THSD4: variants seen among roughly 807,000 people sequenced by gnomAD.
THSD4 encodes the protein thrombospondin type 1 domain containing 4, also known as thrombospondin type-1 domain-containing protein 4.
A neutral mutation model predicts 119.0 loss-of-function variants in THSD4; 69 were observed. The ratio of observed to expected loss-of-function variants is 0.58; its 90% CI spans 0.48 to 0.71. The LOEUF is 0.71. THSD4 is among the 30% of genes least tolerant of loss of function. The probability of loss-of-function intolerance (pLI) is 0.00; values close to 1 mark genes in which losing one functional copy is unlikely to be tolerated. For synonymous variants in THSD4, 524 were observed against 540.4 expected (o/e 0.97, Z 0.42); for missense variants, 1,393 against 1,391.1 (o/e 1.00, Z -0.02).
At position 71,115,847 on chromosome 15, in the gene THSD4, CTGCGCCGCT is replaced by C. The variant is rs1372414629; in HGVS notation, c.-80+150_-80+158del. 114 of 151,840 alleles carry C rather than the reference CTGCGCCGCT, an allele frequency of 7.5e-4. 1 individual carries two copies. The highest frequency in any genetic ancestry group is 2.7e-3 in the African/African-American group (111 of 41,504). The allele number at this position is 151,840 out of a possible 1,614,324, so 9.4% of individuals were successfully genotyped here. The stretch of plus-strand genomic sequence containing the variant: ...GTGGGTGTGTCCGGGGCGCCGCGGG[CTGCGCCGCT>C]CCGGGCTCGGGGAGCCAGCGCGCGC... On this transcript the variant is annotated intron_variant, in intron 1 of 17. Coordinates refer to ENST00000261862, the MANE Select transcript of THSD4 (RefSeq NM_024817.3). The surrounding 1 kb of genome is among the most constrained non-coding windows in gnomAD (Gnocchi z 4.4).
chr15:71,265,814 C>A (rs536989154), intron 6 of THSD4, among the ~76,000 whole-genome samples: 1 of 152,230 alleles, frequency 6.6e-6, no homozygotes, highest in East Asian at 1.9e-4. Flanking sequence ...AGTTAGTTTT[C>A]CCCTCACAAT....
chr15:71,604,607 G>A (rs2050073360), intron 7 of THSD4, among the ~76,000 whole-genome samples: 1 of 152,150 alleles, frequency 6.6e-6, no homozygotes, highest in African/African-American at 2.4e-5. Context: ...ACAAGTACCT[G>A]GTGAAATGTG....
intron 7 of THSD4, among the ~76,000 whole-genome samples, chr15:71,488,170 T>C (rs2047852334): frequency 6.6e-6 from 1 of 152,186 alleles, no homozygotes; most frequent in African/African-American, 2.4e-5. Flanking sequence ...GAAGGGAACA[T>C]TCTAATATAT....
chr15:71,723,248 G>C (rs1183692666), intron 8 of THSD4, among the ~76,000 whole-genome samples: 2 of 152,108 alleles, frequency 1.3e-5, no homozygotes, highest in Admixed American at 6.6e-5. Context: ...CAATATGGCT[G>C]AGTCTGTTTA....
chr15:71,767,288 A>G (rs2053731071), intron 16 of THSD4: 1 of 152,236 alleles, frequency 6.6e-6, no homozygotes, highest in African/African-American at 2.4e-5. Context: ...TAAAAAAGCA[A>G]TCCCCCAGAA....
chr15:71,350,715 G>A (rs1009866476), intron 6 of THSD4, among the ~76,000 whole-genome samples: 9 of 152,152 alleles, frequency 5.9e-5, no homozygotes, highest in Non-Finnish European at 1.3e-4. Context: ...ATGGTGCAGG[G>A]ATGAGGAGGG....
intron 8 of THSD4, among the ~76,000 whole-genome samples, chr15:71,667,698 C>T (rs1043139933): frequency 6.6e-6 from 1 of 152,186 alleles, no homozygotes; most frequent in Non-Finnish European, 1.5e-5. Context: ...TGTTTAAATA[C>T]TATGATGTCT....
chr15:71,649,815 C>T (rs1264984516), intron 7 of THSD4, among the ~76,000 whole-genome samples: 1 of 152,184 alleles, frequency 6.6e-6, no homozygotes, highest in African/African-American at 2.4e-5. Flanking sequence ...TCAATCTTTG[C>T]ATATGGCTAG....
intron 6 of THSD4, among the ~76,000 whole-genome samples, chr15:71,273,296 AG>A (rs1330105660): frequency 2.6e-5 from 4 of 152,366 alleles, no homozygotes; most frequent in South Asian, 4.1e-4. Flanking sequence ...AGGCACAGAA[AG>A]ATGAATATTA....
chr15:71,603,504 C>T (rs138632488), intron 7 of THSD4, among the ~76,000 whole-genome samples: 2,018 of 152,250 alleles, frequency 0.013, 50 homozygotes, highest in South Asian at 0.087. Flanking sequence ...TCATGAGATG[C>T]GTAGTTAAGT....
intron 6 of THSD4, among the ~76,000 whole-genome samples, chr15:71,370,009 T>G (rs535933048): frequency 2.6e-5 from 4 of 152,224 alleles, no homozygotes; most frequent in South Asian, 2.1e-4. Flanking sequence ...TTTAGTCTTG[T>G]GAGGGTGTAT....
At chr15:71,233,590 A>G (rs2044078412) in intron 4 of THSD4, among the ~76,000 whole-genome samples, 1 of 152,196 alleles carries the variant, frequency 6.6e-6, no homozygotes, top group African/African-American at 2.4e-5. Context: ...ATATCAGTAT[A>G]TACACAGCTG....
At chr15:71,278,121 TAAAAC>T (rs1302349504) in intron 6 of THSD4, among the ~76,000 whole-genome samples, 2 of 152,232 alleles carry the variant, frequency 1.3e-5, no homozygotes, top group African/African-American at 2.4e-5. Flanking sequence ...GATTCAGAAA[TAAAAC>T]AGGGAGAAGT....
At chr15:71,722,305 T>C (rs1310250661) in intron 8 of THSD4, among the ~76,000 whole-genome samples, 1 of 152,238 alleles carries the variant, frequency 6.6e-6, no homozygotes, top group African/African-American at 2.4e-5. Context: ...TAATCTGTTG[T>C]GGCATTTTAA....
intron 8 of THSD4, among the ~76,000 whole-genome samples, chr15:71,708,560 A>T (rs1567111941): frequency 6.6e-6 from 1 of 152,106 alleles, no homozygotes; most frequent in Admixed American, 6.5e-5. Flanking sequence ...CAGCTGTGAG[A>T]TTTTTTTTCA....
chr15:71,677,064 A>G (rs2051666952), intron 8 of THSD4, among the ~76,000 whole-genome samples: 1 of 152,168 alleles, frequency 6.6e-6, no homozygotes, highest in Non-Finnish European at 1.5e-5. Flanking sequence ...TTATCTTCCA[A>G]CCAGAGTTTC....
chr15:71,484,461 A>G (rs932211737), intron 7 of THSD4, among the ~76,000 whole-genome samples: 5 of 152,204 alleles, frequency 3.3e-5, no homozygotes, highest in African/African-American at 1.2e-4. Context: ...TGTGTTTTAC[A>G]CAGAAGCCTG....
At chr15:71,434,330 A>C (rs1446895404) in intron 7 of THSD4, among the ~76,000 whole-genome samples, 1 of 152,024 alleles carries the variant, frequency 6.6e-6, no homozygotes, top group Non-Finnish European at 1.5e-5. Flanking sequence ...GAAGCAGATC[A>C]GTGCAAAAGA....
At position 71,417,681 on chromosome 15, in the gene THSD4, G is replaced by A. The variant is rs1416614484; in HGVS notation, c.1152+5858G>A. Among the ~76,000 whole-genome samples, 3 of 107,984 alleles carry A rather than the reference G, an allele frequency of 2.8e-5. 1 individual carries two copies. Among genetic ancestry groups the A allele is most frequent in the Non-Finnish European group, 6.1e-5 (3 of 49,160 alleles). The allele number at this position is 107,984 out of a possible 152,430, so 70.8% of individuals were successfully genotyped here. ...GAAATCAAGTAATGTAATTCCTCCA[G>A]TTTTCTTCCTTTTGCTCAGGATTGC... is the stretch of plus-strand genomic sequence containing the variant. On this transcript the variant is annotated intron_variant, in intron 7 of 17. Coordinates refer to ENST00000261862, the MANE Select transcript of THSD4 (RefSeq NM_024817.3).
Sources: gnomAD v4.1 joint callset for allele counts (sites outside exome capture counted in the v4.1 genomes callset) on GRCh38, gnomAD v4.1.1 for gene constraint, Gnocchi (gnomAD v3.1) non-coding constraint, MANE v1.5 for transcripts, NCBI Gene and HGNC (gene_info 2026-07-23, HGNC 2026-07-21) for gene names.